RBM6: variants seen among roughly 807,000 people sequenced by gnomAD.
RBM6 encodes the protein RNA binding motif protein 6.
In RBM6, 23 loss-of-function variants were observed where a neutral mutation model predicts 140.4. That is an observed-to-expected ratio of 0.16 (90% CI 0.12 to 0.23). RBM6 has a LOEUF of 0.23. Ranked by LOEUF, RBM6 falls within the 10% of genes least tolerant of loss-of-function variation. The pLI is 1.00. For missense variants in RBM6, 1,139 were observed against 1,386.7 expected, an observed-to-expected ratio of 0.82 and a Z score of 2.84; for synonymous variants, 439 against 475.6, an observed-to-expected ratio of 0.92 and a Z score of 1.00.
intron 5 of RBM6, 114 bp from the exon 6 acceptor site, chr3:49,999,326 G>A (rs2086221093): frequency 3.6e-6 from 3 of 822,168 alleles, no homozygotes; most frequent in South Asian, 3.0e-5. Flanking sequence ...GGGAGGGAGG[G>A]GTTAGTTGGG....
At chr3:49,971,992 T>G in intron 3 of RBM6, 67 bp from the exon 4 acceptor site, 1 of 1,230,526 alleles carries the variant, frequency 8.1e-7, no homozygotes, top group Non-Finnish European at 1.2e-6. Context: ...GTGGCTAAAT[T>G]TCATGTTGAT....
chr3:50,016,938 G>A (rs2087197279), intron 6 of RBM6, among the ~76,000 whole-genome samples: 1 of 149,630 alleles, frequency 6.7e-6, no homozygotes, highest in Admixed American at 6.7e-5. Context: ...TAATTCTCAT[G>A]CCTCAGCCTC....
intron 5 of RBM6, among the ~76,000 whole-genome samples, chr3:49,976,852 A>G (rs1015748696): frequency 6.6e-6 from 1 of 152,360 alleles, no homozygotes; most frequent in African/African-American, 2.4e-5. Flanking sequence ...GACTGAAGAC[A>G]TTGATACACA....
At chr3:49,978,584 G>T (rs2085163483) in intron 5 of RBM6, among the ~76,000 whole-genome samples, 1 of 152,290 alleles carries the variant, frequency 6.6e-6, no homozygotes, top group Non-Finnish European at 1.5e-5. Context: ...ATGAGCTTAT[G>T]AATTTTTCAA....
intron 3 of RBM6, among the ~76,000 whole-genome samples, 181 bp downstream of exon 3, chr3:49,968,929 G>A (rs916090836): frequency 3.3e-5 from 5 of 150,284 alleles, no homozygotes; most frequent in African/African-American, 7.3e-5. Flanking sequence ...GACTACAGGC[G>A]CCCACCACCA....
chr3:50,057,406 G>A (rs555846113), intron 8 of RBM6, among the ~76,000 whole-genome samples: 143 of 151,980 alleles, frequency 9.4e-4, no homozygotes, highest in Non-Finnish European at 1.8e-3. Flanking sequence ...GGCCAACATG[G>A]TGAAACCTCG....
In RBM6 at chr3:49,990,614, T is replaced by C. The variant is rs376275564; in HGVS notation, c.1484-8826T>C. ...ACTAGAAAGTACTTTGTTTATCAGA[T>C]AATGAATATGTTTGACAGATGTACA... On this transcript the variant is annotated intron_variant, in intron 5 of 20. Transcript: ENST00000266022. Among the ~76,000 whole-genome samples, 18 of 152,376 alleles carry C rather than the reference T, an allele frequency of 1.2e-4. No individual in the cohort carries two copies. In the East Asian group the frequency reaches 2.3e-3, roughly 20 times the overall value.
In RBM6 at chr3:50,070,477, A is replaced by G; in HGVS notation, c.3041A>G (p.Asn1014Ser). The part of the protein sequence containing the change: ...EREGKFKGRG[N>S]DRREKLQSFD... ...CAGGGAAAGTTTAAAGGAAGAGGAAATGATCGCAGGGAAAAGCTCCAGTCT... is the reference window on the plus strand; with the variant it reads ...CAGGGAAAGTTTAAAGGAAGAGGAAGTGATCGCAGGGAAAAGCTCCAGTCT... The change falls in exon 19 of 21, where the codon AAT becomes AGT. Residue 1014 changes from asparagine to serine, a missense_variant. Physicochemically the swap from Asn to Ser is conservative, Grantham distance 46 (BLOSUM62 1). This residue lies in a region of RBM6 where 125 missense variants were observed against 142.0 expected (regional missense o/e 0.88). Transcript: ENST00000266022. 6.2e-7 allele frequency: 1 copy of G among 1,613,990 alleles called. No individual in the cohort carries two copies. The highest frequency in any genetic ancestry group is 2.2e-5 in the East Asian group (1 of 44,888).
chr3:49,978,244 T>C (rs1444853972), intron 5 of RBM6, among the ~76,000 whole-genome samples: 1 of 152,122 alleles, frequency 6.6e-6, no homozygotes, highest in Non-Finnish European at 1.5e-5. Context: ...CAAGTGATTC[T>C]CCTGCCTCAT....
chr3:50,018,703 T>C (rs2087316276), intron 6 of RBM6, among the ~76,000 whole-genome samples: 1 of 148,600 alleles, frequency 6.7e-6, no homozygotes, highest in Admixed American at 6.9e-5. Context: ...GTGATTCTTC[T>C]GCCTCAGCCT....
At chr3:50,039,160 T>C (rs747166135) in intron 6 of RBM6, among the ~76,000 whole-genome samples, 7 of 152,186 alleles carry the variant, frequency 4.6e-5, no homozygotes, top group Non-Finnish European at 7.3e-5. Flanking sequence ...CTGAGAATTA[T>C]CAGTAAAATA....
chr3:50,072,210 C>A (rs1288602577), intron 19 of RBM6, among the ~76,000 whole-genome samples: 1 of 151,040 alleles, frequency 6.6e-6, no homozygotes, highest in African/African-American at 2.4e-5. Context: ...GAGTTCGAGA[C>A]CAGCCTGGCC....
chr3:50,018,568 A>G (rs978311922), intron 6 of RBM6, among the ~76,000 whole-genome samples: 9 of 128,500 alleles, frequency 7.0e-5, no homozygotes, highest in African/African-American at 2.0e-4. Context: ...ACTGGATCGT[A>G]TGGTAGGAGT....
At chr3:50,039,575 G>T (rs1425884745) in intron 6 of RBM6, among the ~76,000 whole-genome samples, 1 of 149,964 alleles carries the variant, frequency 6.7e-6, no homozygotes, top group Admixed American at 6.8e-5. Flanking sequence ...ATTAACCAGA[G>T]AAATTTTGAC....
chr3:49,968,064 T>G lies in RBM6; in HGVS notation c.639T>G (p.Ser213=), dbSNP rs1456135334. The G allele has an allele frequency of 1.2e-6, 2 of 1,614,192 alleles. No individual in the cohort carries two copies. The highest frequency in any genetic ancestry group is 3.3e-5 in the Admixed American group (2 of 60,012). Residue 213 remains serine, a synonymous_variant, in exon 3 of 21, where the codon TCT becomes TCG. Transcript: ENST00000266022. The part of the protein sequence containing the change: ...LDFRAREQSR[S]DFRNRDVSDL... ...TTAGGGCCAGAGAACAGTCCCGTTC[T>G]GATTTTAGGAATAGAGATGTATCTG... is the stretch of plus-strand genomic sequence containing the variant.
intron 5 of RBM6, among the ~76,000 whole-genome samples, chr3:49,997,463 A>G (rs1183802310): frequency 1.3e-5 from 2 of 152,216 alleles, no homozygotes; most frequent in African/African-American, 4.8e-5. Context: ...TCTGGGCCAC[A>G]GTAGTTACTT....
At position 50,061,175 on chromosome 3, in the gene RBM6, C is replaced by G. The variant is rs1032431305; in HGVS notation, c.2307C>G (p.Gly769=). 1 of 1,614,156 alleles carries G rather than the reference C, an allele frequency of 6.2e-7. No homozygotes were observed. The highest frequency in any genetic ancestry group is 1.3e-5 in the African/African-American group (1 of 75,028). The change falls in exon 13 of 21, where the codon GGC becomes GGG. Residue 769 remains glycine, a synonymous_variant. Coordinates refer to ENST00000266022, the MANE Select transcript of RBM6 (RefSeq NM_005777.3). ...ATTTCCGAGATAGGAGGGGAGGTGG[C>G]AGAAATTCAGACTGGTCTTCAGATA... ...KKYFRDRRGG[G]RNSDWSSDTN... is the part of the protein sequence containing the mutation.
At chr3:50,007,344 G>A (rs1013057248) in intron 6 of RBM6, among the ~76,000 whole-genome samples, 10 of 150,160 alleles carry the variant, frequency 6.7e-5, no homozygotes, top group South Asian at 2.1e-4. Flanking sequence ...CTACAGACAC[G>A]TGCCTGGCTA....
chr3:50,005,749 A>G (rs1156624422), intron 6 of RBM6, among the ~76,000 whole-genome samples: 1 of 152,200 alleles, frequency 6.6e-6, no homozygotes, highest in East Asian at 1.9e-4. Flanking sequence ...ATTGAGGAGT[A>G]TCCAGCATCC....
Sources: gnomAD v4.1 joint callset for allele counts (sites outside exome capture counted in the v4.1 genomes callset) on GRCh38, gnomAD v4.1.1 for gene constraint, gnomAD v4.1.1 regional missense constraint, MANE v1.5 for transcripts, NCBI Gene and HGNC (gene_info 2026-07-23, HGNC 2026-07-21) for gene names.